Variants in ABCF1 observed in about 807,000 individuals in gnomAD.
The protein encoded by ABCF1 is ATP binding cassette subfamily F member 1.
In ABCF1, 73 loss-of-function variants were observed where a neutral mutation model predicts 126.3. That is an observed-to-expected ratio of 0.58 (90% CI 0.48 to 0.70). The LOEUF (loss-of-function observed/expected upper bound fraction) is 0.70. Among genes scored for constraint, ABCF1 ranks in the 30% least tolerant of loss-of-function variants. The pLI is 0.00. For missense variants in ABCF1, 786 were observed against 1,057.5 expected (o/e 0.74, Z 3.56); for synonymous variants, 345 against 396.4 (o/e 0.87, Z 1.54).
chr6:30,590,471 C>T, intron 24 of ABCF1, 64 bp from the exon 25 acceptor site: 1 of 1,579,362 alleles, frequency 6.3e-7, no homozygotes, highest in Non-Finnish European at 8.6e-7. Context: ...TCCCTTATTT[C>T]ATGTTCTGAT....
chr6:30,583,594 C>G lies in ABCF1; in HGVS notation c.916-14C>G, dbSNP rs368793660. ...CATCCCTTCCCTCTGCCACCTCTTT[C>G]CTGATGGCTGCAGCTGGAGAAGTTC... is the stretch of plus-strand genomic sequence containing the variant. On this transcript the variant is annotated splice_polypyrimidine_tract_variant and intron_variant, in intron 10 of 24. Coordinates refer to ENST00000326195, the MANE Select transcript of ABCF1 (RefSeq NM_001025091.2). The surrounding 1 kb of genome is among the most constrained non-coding windows in gnomAD (Gnocchi z 4.1). The G allele has an allele frequency of 6.2e-7, 1 of 1,613,544 alleles. No individual in the cohort carries two copies. The highest frequency in any genetic ancestry group is 1.3e-5 in the African/African-American group (1 of 74,928).
At position 30,590,809 on chromosome 6, in the gene ABCF1, C is replaced by A; in HGVS notation, c.*108C>A. 1 of 1,265,950 alleles carries A rather than the reference C, an allele frequency of 7.9e-7. No homozygotes were observed. The highest frequency in any genetic ancestry group is 1.1e-6 in the Non-Finnish European group (1 of 917,190). The allele number at this position is 1,265,950 out of a possible 1,614,324, so 78.4% of individuals were successfully genotyped here. A position where few individuals can be genotyped will look rare whatever the true frequency, so the allele number is the denominator to read the frequency against. Reference sequence around the variant, plus strand: ...CTCTGGCCTGCAGCTGACCTGGCAACCATTCAGGCACATGAAGGTGGAGTG... The same window carrying A: ...CTCTGGCCTGCAGCTGACCTGGCAAACATTCAGGCACATGAAGGTGGAGTG... On this transcript the variant is annotated 3_prime_UTR_variant, in exon 25 of 25. Transcript: ENST00000326195.
chr6:30,585,109 A>G, intron 14 of ABCF1, 151 bp from the exon 15 acceptor site: 1 of 718,390 alleles, frequency 1.4e-6, no homozygotes. Context: ...TGTCTCAAAA[A>G]AATTAAACCG....
At position 30,584,194 on chromosome 6, in the gene ABCF1, G is replaced by A; in HGVS notation, c.1105G>A (p.Val369Met). 3.7e-6 allele frequency: 6 copies of A among 1,611,586 alleles called. No individual in the cohort carries two copies. Among genetic ancestry groups the A allele is most frequent in the Non-Finnish European group, 5.1e-6 (6 of 1,179,474 alleles). Residue 369 changes from valine to methionine, a missense_variant and splice_region_variant, in exon 13 of 25, where the codon GTG becomes ATG. Val to Met is a conservative substitution (Grantham distance 21). Transcript: ENST00000326195. The surrounding 1 kb of genome is among the most constrained non-coding windows in gnomAD (Gnocchi z 4.6). ...NIDVLLCEQE[V>M]VADETPAVQA... is the part of the protein sequence containing the mutation. The stretch of plus-strand genomic sequence containing the variant: ...ACTGTTCTCCCTCTGCCTCCCAGAG[G>A]TGGTAGCAGATGAGACACCAGCAGT...
rs548565370 is a variant in ABCF1, at chr6:30,590,612, G to A, written c.2449G>A (p.Val817Ile). Residue 817 changes from valine (V) to isoleucine (I), a missense_variant, in exon 25 of 25, where the codon GTT (valine) becomes ATT (isoleucine). Transcript: ENST00000326195. ...CQLWVVEEQSVSQIDGDFEDY... is the reference protein window; with the variant it reads ...CQLWVVEEQSISQIDGDFEDY... ...GCTGTGGGTGGTGGAGGAGCAGAGTGTTAGCCAAATCGATGGTGACTTTGA... is the reference window on the plus strand; with the variant it reads ...GCTGTGGGTGGTGGAGGAGCAGAGTATTAGCCAAATCGATGGTGACTTTGA... 17 of 1,613,102 alleles carry A rather than the reference G, an allele frequency of 1.1e-5. No individual in the cohort carries two copies. In the Admixed American group the frequency reaches 2.7e-4, roughly 25 times the overall value.
Position 30,586,462 on chromosome 6 carries a change from C to T in ABCF1, c.1886-12C>T, listed in dbSNP as rs571062360. On this transcript the variant is annotated splice_polypyrimidine_tract_variant and intron_variant, in intron 18 of 24. Transcript: ENST00000326195. This position sits in a 1 kb window ranked among gnomAD's most constrained non-coding sequence, Gnocchi z 4.9. ...GAAAAGAATATAAATTGCTTCTTTT[C>T]GTGGCTTTCAGGTGTGACATTCGGC... 9.3e-6 allele frequency: 15 copies of T among 1,613,708 alleles called. No individual in the cohort carries two copies. The Admixed American group carries it at 1.8e-4, about 20-fold the overall frequency.
chr6:30,584,405 TC>T lies in ABCF1; in HGVS notation c.1243-10del. Reference sequence around the variant, plus strand: ...GGACCCTCAGACGTGTGTCCTCTTCTCCCTCCTCCCAGGTGTATGAGGAATT... The same window carrying T: ...GGACCCTCAGACGTGTGTCCTCTTCTCCTCCTCCCAGGTGTATGAGGAATT... On this transcript the variant is annotated splice_polypyrimidine_tract_variant and intron_variant, in intron 13 of 24. Coordinates refer to ENST00000326195, the MANE Select transcript of ABCF1 (RefSeq NM_001025091.2). This position sits in a 1 kb window ranked among gnomAD's most constrained non-coding sequence, Gnocchi z 4.6. 4 of 1,613,008 alleles carry T rather than the reference TC, an allele frequency of 2.5e-6. No individual in the cohort carries two copies. The South Asian group carries it at 4.4e-5, about 18-fold the overall frequency.
chr6:30,578,077 A>G lies in ABCF1; in HGVS notation c.218A>G (p.Gln73Arg). The G allele has an allele frequency of 7.9e-7, 1 of 1,270,226 alleles. No individual in the cohort carries two copies. Among genetic ancestry groups the G allele is most frequent in the East Asian group, 2.9e-5 (1 of 34,264 alleles). The allele number at this position is 1,270,226 out of a possible 1,614,324, so 78.7% of individuals were successfully genotyped here. A position where few individuals can be genotyped will look rare whatever the true frequency, so the allele number is the denominator to read the frequency against. ...TCACTGTTCTTTTGCTCTCAGCAGC[A>G]AAAAAAAAAGCGAGATACCCGAAAA... ...EQQQQQQQQQ[Q>R]KKKRDTRKGR... is the part of the protein sequence containing the mutation. The change falls in exon 4 of 25, where the codon CAA (glutamine) becomes CGA (arginine). Residue 73 changes from glutamine to arginine, a missense_variant and splice_region_variant. Coordinates refer to ENST00000326195, the MANE Select transcript of ABCF1 (RefSeq NM_001025091.2).
chr6:30,584,082 A>C lies in ABCF1; in HGVS notation c.1103-110A>C. ...ACTTGAGAGTGTTTTATTTGGAACA[A>C]GTACAAAGAGCTGGGCAGGGTCAGG... On this transcript the variant is annotated intron_variant, in intron 12 of 24. Transcript: ENST00000326195. This position sits in a 1 kb window ranked among gnomAD's most constrained non-coding sequence, Gnocchi z 4.6. The C allele has an allele frequency of 1.4e-6, 2 of 1,480,584 alleles. No individual in the cohort carries two copies. Among genetic ancestry groups the C allele is most frequent in the South Asian group, 2.6e-5 (2 of 77,226 alleles). The allele number at this position is 1,480,584 out of a possible 1,614,324, so 91.7% of individuals were successfully genotyped here.
intron 20 of ABCF1, chr6:30,589,298 G>T (rs566648115): frequency 6.6e-4 from 161 of 244,896 alleles, no homozygotes; most frequent in African/African-American, 3.3e-3. Context: ...GAGCCACCGT[G>T]CCCAGCCCCT....
chr6:30,577,592 C>A, intron 2 of ABCF1, 137 bp downstream of exon 2: 1 of 1,158,246 alleles, frequency 8.6e-7, no homozygotes, highest in South Asian at 1.5e-5. Flanking sequence ...GGCACGGTGG[C>A]TTACACCTGT....
chr6:30,585,841 G>A, intron 16 of ABCF1, 38 bp from the exon 17 acceptor site: 2 of 1,572,474 alleles, frequency 1.3e-6, no homozygotes, highest in South Asian at 1.1e-5. Flanking sequence ...CTGGGAAGAG[G>A]AGCAACCACT....
chr6:30,588,051 C>A (rs1005760724), intron 20 of ABCF1, among the ~76,000 whole-genome samples: 3 of 151,902 alleles, frequency 2.0e-5, no homozygotes, highest in Non-Finnish European at 4.4e-5. Flanking sequence ...TATAGGTACG[C>A]CCCACCATGC....
At chr6:30,577,758 C>T (rs1368277899) in intron 2 of ABCF1, 60 bp from the exon 3 acceptor site, 2 of 1,541,684 alleles carry the variant, frequency 1.3e-6, no homozygotes, top group Admixed American at 1.7e-5. Flanking sequence ...TGTGGCAGAG[C>T]ACAGCCTGCT....
chr6:30,577,748 T>A, intron 2 of ABCF1, 70 bp from the exon 3 acceptor site: 1 of 1,469,558 alleles, frequency 6.8e-7, no homozygotes, highest in East Asian at 2.3e-5. Context: ...TGGGCCAATG[T>A]GTGGCAGAGC....
At chr6:30,577,322 A>G in intron 1 of ABCF1, 87 bp from the exon 2 acceptor site, 1 of 1,241,436 alleles carries the variant, frequency 8.1e-7, no homozygotes, top group Non-Finnish European at 1.1e-6. Flanking sequence ...ATAAAATAGG[A>G]TAGAGGCTAC....
rs1210865513 is a variant in ABCF1 at position 30,578,073 on chromosome 6, C to T, written c.217-3C>T. 3.1e-6 allele frequency: 5 copies of T among 1,611,536 alleles called. No individual in the cohort carries two copies. The highest frequency in any genetic ancestry group is 4.2e-6 in the Non-Finnish European group (5 of 1,179,494). ...TTTCTCACTGTTCTTTTGCTCTCAGCAGCAAAAAAAAAAGCGAGATACCCG... is the reference window on the plus strand; with the variant it reads ...TTTCTCACTGTTCTTTTGCTCTCAGTAGCAAAAAAAAAAGCGAGATACCCG... On this transcript the variant is annotated splice_polypyrimidine_tract_variant and splice_region_variant and intron_variant, in intron 3 of 24. Coordinates refer to ENST00000326195, the MANE Select transcript of ABCF1 (RefSeq NM_001025091.2).
At position 30,584,480 on chromosome 6, in the gene ABCF1, G is replaced by A. The variant is rs1187698144; in HGVS notation, c.1305G>A (p.Leu435=). 3 of 1,612,928 alleles carry A rather than the reference G, an allele frequency of 1.9e-6. No homozygotes were observed. Among genetic ancestry groups the A allele is most frequent in the East Asian group, 2.2e-5 (1 of 44,902 alleles). ...AAAEAKARRI[L]AGLGFDPEMQ... ...CAGAGGCCAAAGCACGGCGGATCCTGGCTGGCCTGGGCTTTGACCCTGAAA... is the reference window on the plus strand; with the variant it reads ...CAGAGGCCAAAGCACGGCGGATCCTAGCTGGCCTGGGCTTTGACCCTGAAA... Residue 435 remains leucine (L), a synonymous_variant, in exon 14 of 25, where the codon CTG becomes CTA. Transcript: ENST00000326195. This position sits in a 1 kb window ranked among gnomAD's most constrained non-coding sequence, Gnocchi z 4.6.
intron 1 of ABCF1, among the ~76,000 whole-genome samples, chr6:30,573,418 G>A (rs1236741264): frequency 6.6e-6 from 1 of 152,228 alleles, no homozygotes; most frequent in Non-Finnish European, 1.5e-5. Context: ...TTTAGTCACT[G>A]TGGAGAGACA....
Sources: allele counts gnomAD v4.1 joint callset (sites outside exome capture counted in the v4.1 genomes callset), GRCh38; gene constraint gnomAD v4.1.1; non-coding constraint Gnocchi (gnomAD v3.1); transcripts MANE v1.5; gene names NCBI Gene and HGNC (gene_info 2026-07-23, HGNC 2026-07-21).